LRRC7: variants seen among roughly 807,000 people sequenced by gnomAD.
LRRC7 encodes the protein leucine-rich repeat-containing protein 7.
Under a neutral mutation model 175.7 loss-of-function variants are expected in LRRC7, and 23 were observed. That is an observed-to-expected ratio of 0.13 (90% CI 0.09 to 0.19). LRRC7 has a LOEUF of 0.19. Among genes scored for constraint, LRRC7 ranks in the 10% least tolerant of loss-of-function variants. The pLI is 1.00. For synonymous variants in LRRC7, 685 were observed against 680.9 expected, an observed-to-expected ratio of 1.01 and a Z score of -0.09; for missense variants, 1,354 against 1,904.7, an observed-to-expected ratio of 0.71 and a Z score of 5.38.
chr1:69,722,504 A>G (rs1182797100), intron 2 of LRRC7, among the ~76,000 whole-genome samples: 1 of 152,072 alleles, frequency 6.6e-6, no homozygotes, highest in Non-Finnish European at 1.5e-5. Flanking sequence ...GCCAGTATCC[A>G]TAATGTAGTG....
intron 7 of LRRC7, among the ~76,000 whole-genome samples, chr1:69,928,485 G>A (rs546687680): frequency 3.3e-4 from 51 of 152,350 alleles, no homozygotes; most frequent in African/African-American, 1.2e-3. Context: ...TGGCTGCTTT[G>A]TTTACTTAAG....
chr1:70,080,933 T>A (rs1158061576), intron 24 of LRRC7, among the ~76,000 whole-genome samples: 2 of 152,316 alleles, frequency 1.3e-5, no homozygotes, highest in East Asian at 3.9e-4. Flanking sequence ...TGTGTCCCAG[T>A]GTAACTGAAG....
At chr1:69,576,462 G>A (rs765418197) in intron 1 of LRRC7, among the ~76,000 whole-genome samples, 1 of 152,010 alleles carries the variant, frequency 6.6e-6, no homozygotes, top group Non-Finnish European at 1.5e-5. Flanking sequence ...AACCATATTA[G>A]CAATGATTAT....
intron 7 of LRRC7, among the ~76,000 whole-genome samples, chr1:69,927,447 G>A (rs1021053682): frequency 4.1e-4 from 62 of 152,270 alleles, no homozygotes; most frequent in Non-Finnish European, 5.4e-4. Context: ...AGGTACACCA[G>A]TCAGACATAG....
At chr1:69,857,304 G>T (rs9662003) in intron 7 of LRRC7, among the ~76,000 whole-genome samples, 15,540 of 152,102 alleles carry the variant, frequency 0.1, 1,881 homozygotes, top group African/African-American at 0.3. Flanking sequence ...TATCCAATTA[G>T]GAAAAGAGGA....
chr1:70,041,442 GAGCCTCATCAA>G (rs1659886533), intron 21 of LRRC7, among the ~76,000 whole-genome samples: 1 of 152,188 alleles, frequency 6.6e-6, no homozygotes, highest in Non-Finnish European at 1.5e-5. Context: ...CCATTGAAGG[GAGCCTCATCAA>G]AGCCTCATGA....
chr1:69,855,929 T>C (rs1208842573), intron 7 of LRRC7, among the ~76,000 whole-genome samples: 1 of 152,190 alleles, frequency 6.6e-6, no homozygotes. Context: ...GTCTGTTTTA[T>C]CAGAGACTAG....
At chr1:69,853,781 A>G (rs916435987) in intron 7 of LRRC7, among the ~76,000 whole-genome samples, 10 of 152,138 alleles carry the variant, frequency 6.6e-5, no homozygotes, top group African/African-American at 2.4e-4. Context: ...TTTTATAATA[A>G]CAATGAGAAA....
intron 1 of LRRC7, among the ~76,000 whole-genome samples, chr1:69,608,955 G>A (rs1481863983): frequency 1.5e-5 from 2 of 133,794 alleles, no homozygotes; most frequent in Non-Finnish European, 3.2e-5. Context: ...TACAGAAAAA[G>A]ATATATTTAA....
chr1:70,066,201 A>G (rs1661961605), intron 23 of LRRC7, among the ~76,000 whole-genome samples: 2 of 151,934 alleles, frequency 1.3e-5, no homozygotes, highest in Admixed American at 6.6e-5. Flanking sequence ...CAATACACTC[A>G]GTGTATTGCA....
chr1:69,957,748 A>G (rs1243845264), intron 8 of LRRC7, among the ~76,000 whole-genome samples: 1 of 151,916 alleles, frequency 6.6e-6, no homozygotes, highest in Non-Finnish European at 1.5e-5. Context: ...CCAGAGATTC[A>G]GAGATGCAAG....
chr1:69,994,818 G>A (rs1309434984), intron 11 of LRRC7, among the ~76,000 whole-genome samples, 185 bp downstream of exon 11: 1 of 151,840 alleles, frequency 6.6e-6, no homozygotes, highest in Non-Finnish European at 1.5e-5. Context: ...TCTAAACATT[G>A]CATTTGATAT....
At chr1:69,718,429 G>A (rs907722079) in intron 2 of LRRC7, among the ~76,000 whole-genome samples, 1 of 151,866 alleles carries the variant, frequency 6.6e-6, no homozygotes, top group South Asian at 2.1e-4. Flanking sequence ...CTTCAATAGA[G>A]GATATTAAAA....
chr1:70,108,296 T>G (rs1665280934), intron 26 of LRRC7, among the ~76,000 whole-genome samples: 1 of 152,036 alleles, frequency 6.6e-6, no homozygotes, highest in Non-Finnish European at 1.5e-5. Flanking sequence ...AAACAAAAGT[T>G]TAGCTCTATA....
At chr1:70,061,822 A>G (rs950515098) in intron 23 of LRRC7, among the ~76,000 whole-genome samples, 11 of 152,174 alleles carry the variant, frequency 7.2e-5, no homozygotes, top group African/African-American at 2.7e-4. Flanking sequence ...GGTATCTACT[A>G]GAAATAACCT....
intron 8 of LRRC7, among the ~76,000 whole-genome samples, chr1:69,939,844 A>G (rs1281788254): frequency 1.3e-5 from 2 of 152,074 alleles, no homozygotes; most frequent in Non-Finnish European, 2.9e-5. Context: ...TATAAATACA[A>G]ATTTTTAACT....
In LRRC7 at chr1:70,112,268, T is replaced by C. The variant is rs775729198; in HGVS notation, c.4620+4442T>C. Among the ~76,000 whole-genome samples the C allele has an allele frequency of 1.2e-4, 18 of 152,128 alleles. 1 individual carries two copies. Among genetic ancestry groups the C allele is most frequent in the Non-Finnish European group, 1.5e-5 (1 of 68,022 alleles). On this transcript the variant is annotated intron_variant, in intron 26 of 26. Transcript: ENST00000651989. ...TTTTTTAAAGTTAGTTTTTGGTAAGTTGTTCAGCTCAGAGCATCTTCTCTT... is the reference window on the plus strand; with the variant it reads ...TTTTTTAAAGTTAGTTTTTGGTAAGCTGTTCAGCTCAGAGCATCTTCTCTT...
chr1:69,825,973 T>G (rs554238672), intron 5 of LRRC7, 147 bp downstream of exon 5: 1 of 507,348 alleles, frequency 2.0e-6, no homozygotes, highest in Admixed American at 4.2e-5. Context: ...TTAATCAGAA[T>G]AGTTTGACAA....
intron 1 of LRRC7, among the ~76,000 whole-genome samples, chr1:69,614,155 T>C (rs1334419141): frequency 6.6e-6 from 1 of 152,162 alleles, no homozygotes; most frequent in Non-Finnish European, 1.5e-5. Flanking sequence ...GGATACATCA[T>C]ATACAAACAT....
Sources: gnomAD v4.1 joint callset for allele counts (sites outside exome capture counted in the v4.1 genomes callset) on GRCh38, gnomAD v4.1.1 for gene constraint, MANE v1.5 for transcripts, NCBI Gene and HGNC (gene_info 2026-07-23, HGNC 2026-07-21) for gene names.